Variants in PAPPA2 observed in about 807,000 individuals in gnomAD.
PAPPA2 encodes pappalysin 2.
A neutral mutation model predicts 176.4 loss-of-function variants in PAPPA2; 86 were observed. The ratio of observed to expected loss-of-function variants is 0.49; its 90% CI spans 0.41 to 0.58. The LOEUF (loss-of-function observed/expected upper bound fraction) is 0.58, where lower values mean the gene tolerates loss of function less well. Among genes scored for constraint, PAPPA2 ranks in the 20% least tolerant of loss-of-function variants. The probability of loss-of-function intolerance (pLI) is 0.00; values close to 1 mark genes in which losing one functional copy is unlikely to be tolerated. For missense variants in PAPPA2, 2,073 were observed against 2,256.9 expected (o/e 0.92, Z 1.65); for synonymous variants, 809 against 852.2 (o/e 0.95, Z 0.88).
chr1:176,645,040 AAC>A (rs756609987), intron 3 of PAPPA2, among the ~76,000 whole-genome samples: 7 of 151,848 alleles, frequency 4.6e-5, no homozygotes, highest in Admixed American at 1.3e-4. Flanking sequence ...TAAAGATCAA[AAC>A]AGTACATTGG....
intron 20 of PAPPA2, among the ~76,000 whole-genome samples, chr1:176,798,012 G>A (rs1337280482): frequency 1.3e-5 from 2 of 152,128 alleles, no homozygotes; most frequent in East Asian, 3.9e-4. Context: ...ATGCTAGATA[G>A]TCCCTATTCT....
chr1:176,840,053 T>C (rs2102992480), intron 21 of PAPPA2, 120 bp from the exon 22 acceptor site: 1 of 751,736 alleles, frequency 1.3e-6, no homozygotes, highest in South Asian at 1.8e-5. Flanking sequence ...TCCTGCACCT[T>C]GGGTGCTTTT....
At chr1:176,767,891 T>TA (rs1203112207) in intron 15 of PAPPA2, among the ~76,000 whole-genome samples, 1 of 152,214 alleles carries the variant, frequency 6.6e-6, no homozygotes, top group Non-Finnish European at 1.5e-5. Context: ...TGCTTTTTGT[T>TA]GACGCAAGAA....
intron 3 of PAPPA2, among the ~76,000 whole-genome samples, chr1:176,620,768 A>G (rs1178219695): frequency 1.3e-5 from 2 of 152,212 alleles, no homozygotes; most frequent in African/African-American, 4.8e-5. Flanking sequence ...ACAAATCTTT[A>G]TTATCTCACA....
intron 3 of PAPPA2, among the ~76,000 whole-genome samples, chr1:176,599,255 T>G (rs1474269007): frequency 6.6e-6 from 1 of 151,976 alleles, no homozygotes; most frequent in Non-Finnish European, 1.5e-5. Flanking sequence ...CATCTTATCC[T>G]TAGCCTTGTT....
At chr1:176,519,592 T>C (rs930397880) in intron 1 of PAPPA2, among the ~76,000 whole-genome samples, 8 of 152,192 alleles carry the variant, frequency 5.3e-5, no homozygotes, top group Non-Finnish European at 8.8e-5. Flanking sequence ...GAAAAACTAA[T>C]AAAACATAAT....
chr1:176,713,524 T>C (rs992290951), intron 12 of PAPPA2, among the ~76,000 whole-genome samples: 1 of 152,228 alleles, frequency 6.6e-6, no homozygotes, highest in African/African-American at 2.4e-5. Context: ...TAACTTATTA[T>C]AGTCCTTGAT....
intron 2 of PAPPA2, among the ~76,000 whole-genome samples, chr1:176,593,688 T>TCCACTAGA (rs1653789838): frequency 6.6e-6 from 1 of 152,194 alleles, no homozygotes; most frequent in African/African-American, 2.4e-5. Flanking sequence ...CTTTGTTTAT[T>TCCACTAGA]CCACTAGATT....
At chr1:176,504,651 T>C (rs1380740904) in intron 1 of PAPPA2, among the ~76,000 whole-genome samples, 5 of 152,172 alleles carry the variant, frequency 3.3e-5, no homozygotes, top group Non-Finnish European at 5.9e-5. Flanking sequence ...TTGCTGTTAA[T>C]ATTCACAAAA....
Position 176,711,984 on chromosome 1 carries a change from A to C in PAPPA2, c.3798+3A>C. 1 of 1,609,064 alleles carries C rather than the reference A, an allele frequency of 6.2e-7. No individual in the cohort carries two copies. The highest frequency in any genetic ancestry group is 8.5e-7 in the Non-Finnish European group (1 of 1,175,792). ...AAGAGGATGAGGTTTGGCTCAAAGT[A>C]AGTGGCCCAAATGTTTCTTTTGTGC... On this transcript the variant is annotated splice_donor_region_variant and intron_variant, in intron 12 of 22. Transcript: ENST00000367662.
At chr1:176,540,220 G>A (rs1412491307) in intron 1 of PAPPA2, among the ~76,000 whole-genome samples, 1 of 152,156 alleles carries the variant, frequency 6.6e-6, no homozygotes, top group Non-Finnish European at 1.5e-5. Flanking sequence ...CGTAACTGTA[G>A]GTAAACTGCA....
chr1:176,610,614 T>C (rs1170908660), intron 3 of PAPPA2, among the ~76,000 whole-genome samples: 1 of 152,192 alleles, frequency 6.6e-6, no homozygotes, highest in African/African-American at 2.4e-5. Flanking sequence ...TTGTCTGGAA[T>C]CTGCACATTT....
At chr1:176,596,535 A>G (rs547065231) in intron 3 of PAPPA2, among the ~76,000 whole-genome samples, 36 of 152,156 alleles carry the variant, frequency 2.4e-4, no homozygotes, top group Non-Finnish European at 4.7e-4. Context: ...TAAATCTATC[A>G]ATTACTGTTA....
intron 1 of PAPPA2, among the ~76,000 whole-genome samples, chr1:176,551,514 C>A (rs1308808315): frequency 1.3e-5 from 2 of 152,058 alleles, no homozygotes; most frequent in African/African-American, 2.4e-5. Flanking sequence ...CTTGCTCTCG[C>A]TCTCTCTCTC....
intron 21 of PAPPA2, among the ~76,000 whole-genome samples, chr1:176,818,252 G>A (rs967677690): frequency 3.3e-5 from 5 of 152,160 alleles, no homozygotes; most frequent in African/African-American, 1.2e-4. Flanking sequence ...ATCTGATTGA[G>A]AGCATGAAGA....
In PAPPA2 at chr1:176,791,432, C is replaced by A. The variant is rs34602579; in HGVS notation, c.4970C>A (p.Pro1657His). ...ENLQGECPPPPSELNSVEYKC... is the reference protein window; with the variant it reads ...ENLQGECPPPHSELNSVEYKC... ...CTGCAAGGAGAATGCCCACCACCCC[C>A]CTCAGAGCTGAATTCTGTGGAGTAC... Residue 1657 changes from proline (P) to histidine (H), a missense_variant, in exon 19 of 23, where the codon CCC (proline) becomes CAC (histidine). Transcript: ENST00000367662. The A allele has an allele frequency of 2.2e-5, 35 of 1,613,728 alleles. No individual in the cohort carries two copies. The highest frequency in any genetic ancestry group is 2.4e-5 in the Non-Finnish European group (28 of 1,179,838).
intron 14 of PAPPA2, 88 bp from the exon 15 acceptor site, chr1:176,765,578 G>A (rs961598193): frequency 7.7e-7 from 1 of 1,305,792 alleles, no homozygotes; most frequent in African/African-American, 1.5e-5. Context: ...TCTGGTTTAG[G>A]AGCCCTCCCA....
At chr1:176,482,606 G>A (rs1652457345) in intron 1 of PAPPA2, among the ~76,000 whole-genome samples, 1 of 152,126 alleles carries the variant, frequency 6.6e-6, no homozygotes, top group Non-Finnish European at 1.5e-5. Flanking sequence ...AATACCATAA[G>A]AATTTGTTAT....
intron 1 of PAPPA2, among the ~76,000 whole-genome samples, chr1:176,516,116 G>A (rs564487413): frequency 1.3e-5 from 2 of 152,234 alleles, no homozygotes; most frequent in South Asian, 4.1e-4. Flanking sequence ...CAATTGGGAA[G>A]AGCAACTGTG....
Sources: allele counts gnomAD v4.1 joint callset (sites outside exome capture counted in the v4.1 genomes callset), GRCh38; gene constraint gnomAD v4.1.1; transcripts MANE v1.5; gene names NCBI Gene and HGNC (gene_info 2026-07-23, HGNC 2026-07-21).